Variants in MASP2 observed in about 807,000 individuals in gnomAD.
MASP2 encodes the protein MBL associated serine protease 2.
MASP2 carries 49 observed loss-of-function variants against 57.1 expected under a neutral mutation model. That is an observed-to-expected ratio of 0.86 (90% CI 0.68 to 1.09). The LOEUF is 1.09. Ranked by LOEUF, MASP2 falls within the 50% of genes least tolerant of loss-of-function variation. The pLI, the probability that MASP2 is intolerant of heterozygous loss-of-function variation, is 0.00. For missense variants in MASP2, 900 were observed against 874.8 expected (o/e 1.03, Z -0.36); for synonymous variants, 379 against 340.8 (o/e 1.11, Z -1.24).
intron 8 of MASP2, among the ~76,000 whole-genome samples, chr1:11,033,046 C>T (rs182007316): frequency 3.7e-4 from 56 of 151,912 alleles, no homozygotes; most frequent in African/African-American, 1.1e-3. Flanking sequence ...AAAATATTGT[C>T]GGCCGGGCGC....
intron 7 of MASP2, among the ~76,000 whole-genome samples, chr1:11,036,505 C>T (rs1395774222): frequency 3.2e-5 from 3 of 94,114 alleles, no homozygotes; most frequent in South Asian, 3.8e-4. Flanking sequence ...AGCGAGACTC[C>T]GTCTCAAAAA....
chr1:11,046,500 T>A, intron 3 of MASP2, 56 bp downstream of exon 3: 1 of 1,598,620 alleles, frequency 6.3e-7, no homozygotes. Flanking sequence ...TAAGACAGAG[T>A]TACCCCCACA....
intron 6 of MASP2, among the ~76,000 whole-genome samples, chr1:11,038,118 C>T (rs372605939): frequency 1.1e-4 from 16 of 152,254 alleles, no homozygotes; most frequent in Admixed American, 2.0e-4. Flanking sequence ...AGCCATGGCT[C>T]AAAACCAAGA....
rs1256151482 is a variant in MASP2 at position 11,026,968 on chromosome 1, A to T, written c.1978T>A (p.Cys660Ser). ...ACTCCATACTGACCTGCTTCCCCAC[A>T]ATTCATGGAACCCCAGGACACTATT... ...GGIVSWGSMN[C>S]GEAGQYGVYT... The change falls in exon 11 of 11, where the codon TGT (cysteine) becomes AGT (serine). Residue 660 changes from cysteine (C) to serine (S), a missense_variant. Transcript: ENST00000400897. The T allele has an allele frequency of 6.4e-7, 1 of 1,561,798 alleles. No individual in the cohort carries two copies. Among genetic ancestry groups the T allele is most frequent in the East Asian group, 2.2e-5 (1 of 44,522 alleles).
intron 5 of MASP2, 28 bp downstream of exon 5, chr1:11,043,311 G>C: frequency 6.3e-7 from 1 of 1,581,048 alleles, no homozygotes; most frequent in Non-Finnish European, 8.6e-7. Context: ...GAGGATCTGG[G>C]ACAAGATGAG....
chr1:11,030,240 C>G lies in MASP2; in HGVS notation c.1233G>C (p.Val411=). The change falls in exon 10 of 11, where the codon GTG becomes GTC. Residue 411 remains valine (V), a synonymous_variant. Coordinates refer to ENST00000400897, the MANE Select transcript of MASP2 (RefSeq NM_006610.4). Reference sequence around the variant, plus strand: ...TCGTCCAGAATCCATCAGCCTCACACACATATTTACCTGCAAATCATTGGA... The same window carrying G: ...TCGTCCAGAATCCATCAGCCTCACAGACATATTTACCTGCAAATCATTGGA... ...YTMKVNDGKY[V]CEADGFWTSS... 2.5e-6 allele frequency: 4 copies of G among 1,613,146 alleles called. No homozygotes were observed. Among genetic ancestry groups the G allele is most frequent in the Non-Finnish European group, 3.4e-6 (4 of 1,179,660 alleles).
chr1:11,044,086 T>C (rs1324056200), intron 4 of MASP2, among the ~76,000 whole-genome samples: 1 of 151,812 alleles, frequency 6.6e-6, no homozygotes, highest in East Asian at 1.9e-4. Flanking sequence ...TCATCAGGGG[T>C]CTCCTACCCG....
At position 11,027,403 on chromosome 1, in the gene MASP2, C is replaced by T; in HGVS notation, c.1543G>A (p.Glu515Lys). 6.2e-7 allele frequency: 1 copy of T among 1,614,202 alleles called. No individual in the cohort carries two copies. The highest frequency in any genetic ancestry group is 8.5e-7 in the Non-Finnish European group (1 of 1,180,042). Residue 515 changes from glutamate (E) to lysine (K), a missense_variant, in exon 11 of 11, where the codon GAA becomes AAA. Glu to Lys is a moderately conservative substitution (Grantham distance 56). Coordinates refer to ENST00000400897, the MANE Select transcript of MASP2 (RefSeq NM_006610.4). The stretch of plus-strand genomic sequence containing the variant: ...TAACCTTCATGTATAAAAACAGCTT[C>T]AGACCAGGCTTGTGTATAATGAGGT... ...LSPHYTQAWS[E>K]AVFIHEGYTH...
intron 8 of MASP2, among the ~76,000 whole-genome samples, chr1:11,031,400 G>T (rs924537692): frequency 6.6e-6 from 1 of 151,484 alleles, no homozygotes; most frequent in Non-Finnish European, 1.5e-5. Flanking sequence ...GTGGTAGCGG[G>T]CGCCTGTAGT....
chr1:11,039,889 T>TGGAA, intron 6 of MASP2, among the ~76,000 whole-genome samples: 1 of 102,668 alleles, frequency 9.7e-6, no homozygotes, highest in African/African-American at 3.1e-5. Context: ...GATGGATGGA[T>TGGAA]GGATGGATGG....
In MASP2 at chr1:11,037,792, C is replaced by A; in HGVS notation, c.909G>T (p.Pro303=). 6.2e-7 allele frequency: 1 copy of A among 1,612,026 alleles called. No homozygotes were observed. The highest frequency in any genetic ancestry group is 8.5e-7 in the Non-Finnish European group (1 of 1,179,010). The part of the protein sequence containing the change: ...YTSTAQPCPY[P]MAPPNGHVSP... ...AAACGTGGCCATTAGGTGGCGCCAT[C>A]GGATAAGGGCAAGGCTGCGCTGCGC... Residue 303 remains proline, a synonymous_variant, in exon 7 of 11, where the codon CCG becomes CCT. Coordinates refer to ENST00000400897, the MANE Select transcript of MASP2 (RefSeq NM_006610.4).
At chr1:11,036,538 C>A (rs866215859) in intron 7 of MASP2, among the ~76,000 whole-genome samples, 3,652 of 66,676 alleles carry the variant, frequency 0.055, 37 homozygotes, top group African/African-American at 0.084. Context: ...AAAAAAAAAA[C>A]AAAAAAAAAA....
At position 11,027,638 on chromosome 1, in the gene MASP2, T is replaced by C; in HGVS notation, c.1308A>G (p.Leu436=). 2 of 1,604,388 alleles carry C rather than the reference T, an allele frequency of 1.2e-6. No homozygotes were observed. The highest frequency in any genetic ancestry group is 1.7e-6 in the Non-Finnish European group (2 of 1,175,224). The part of the protein sequence containing the change: ...SLPVCEPVCG[L]SARTTGGRIY... The stretch of plus-strand genomic sequence containing the variant: ...TACGCCCTCCTGTTGTGCGGGCTGA[T>C]AGTCCACAAACTGGAGAAAGAAGCA... Residue 436 remains leucine, a synonymous_variant, in exon 11 of 11, where the codon CTA becomes CTG. Transcript: ENST00000400897.
In MASP2 at chr1:11,046,872, C is replaced by T. The variant is rs1351959943; in HGVS notation, c.234+19G>A. 3.2e-6 allele frequency: 5 copies of T among 1,555,758 alleles called. No homozygotes were observed. The African/African-American group carries it at 5.4e-5, about 17-fold the overall frequency. ...CCCCCCGACCCTGAGAAACCCCAGCCCTCCCGTCCTGACGGCACCTTGACG... is the reference window on the plus strand; with the variant it reads ...CCCCCCGACCCTGAGAAACCCCAGCTCTCCCGTCCTGACGGCACCTTGACG... On this transcript the variant is annotated intron_variant, in intron 2 of 10. Coordinates refer to ENST00000400897, the MANE Select transcript of MASP2 (RefSeq NM_006610.4).
chr1:11,028,697 G>GTTTTTTTTTTTT (rs1208974169), intron 10 of MASP2, among the ~76,000 whole-genome samples: 4 of 36,174 alleles, frequency 1.1e-4, no homozygotes, highest in African/African-American at 5.2e-4. Flanking sequence ...ATCTTTCTGG[G>GTTTTTTTTTTTT]TTTTTTTTCT....
At chr1:11,042,834 G>C (rs751835086) in intron 6 of MASP2, 41 bp downstream of exon 6, 2 of 1,608,380 alleles carry the variant, frequency 1.2e-6, no homozygotes, top group South Asian at 2.2e-5. Context: ...AGAGAGGGCA[G>C]CTCTGCGCTT....
chr1:11,036,896 G>A (rs1638259836), intron 7 of MASP2, among the ~76,000 whole-genome samples: 1 of 152,038 alleles, frequency 6.6e-6, no homozygotes, highest in Non-Finnish European at 1.5e-5. Context: ...CCCAGGAGTT[G>A]TTTCATGGAA....
At chr1:11,042,391 ATGGAT>A (rs1172242809) in intron 6 of MASP2, among the ~76,000 whole-genome samples, 5 of 143,520 alleles carry the variant, frequency 3.5e-5, no homozygotes, top group African/African-American at 1.0e-4. Context: ...GAATGGATAG[ATGGAT>A]TGGATGGATG....
At chr1:11,042,798 A>T in intron 6 of MASP2, 77 bp downstream of exon 6, 1 of 1,530,432 alleles carries the variant, frequency 6.5e-7, no homozygotes, top group Non-Finnish European at 8.9e-7. Flanking sequence ...GGAGCCCTAC[A>T]CTCTACAGCT....
Sources: allele counts gnomAD v4.1 joint callset (sites outside exome capture counted in the v4.1 genomes callset), GRCh38; gene constraint gnomAD v4.1.1; transcripts MANE v1.5; gene names NCBI Gene and HGNC (gene_info 2026-07-23, HGNC 2026-07-21).